The following NUSAP1 variants were observed in gnomAD, a reference collection of about 807,000 sequenced individuals.
NUSAP1 encodes the protein nucleolar and spindle-associated protein 1.
Under a neutral mutation model 52.8 loss-of-function variants are expected in NUSAP1, and 32 were observed. The observed-to-expected ratio is 0.61, with a 90% CI of 0.46 to 0.81. NUSAP1 has a LOEUF of 0.81. NUSAP1 is among the 40% of genes least tolerant of loss of function. The probability of loss-of-function intolerance (pLI) is 0.00; values close to 1 mark genes in which losing one functional copy is unlikely to be tolerated. For missense variants in NUSAP1, 499 were observed against 522.3 expected (o/e 0.96, Z 0.43); for synonymous variants, 195 against 183.1 (o/e 1.06, Z -0.52).
intron 1 of NUSAP1, among the ~76,000 whole-genome samples, chr15:41,340,802 A>G (rs1567040793): frequency 2.6e-5 from 4 of 152,254 alleles, no homozygotes; most frequent in Non-Finnish European, 5.9e-5. Flanking sequence ...TACTAGCTGA[A>G]ATAGTGCCTG....
Position 41,378,607 on chromosome 15 carries a change from C to T in NUSAP1, c.1232+1303C>T, listed in dbSNP as rs542403886. Reference sequence around the variant, plus strand: ...AAGACATGGAGAAACCCCATCTCTACTAAAAATACAAAATTAGCCGGGCGT... The same window carrying T: ...AAGACATGGAGAAACCCCATCTCTATTAAAAATACAAAATTAGCCGGGCGT... On this transcript the variant is annotated intron_variant, in intron 10 of 10. Transcript: ENST00000559596. 1.2e-4 allele frequency among the ~76,000 whole-genome samples: 18 copies of T among 152,210 alleles called. 1 individual carries two copies. Among genetic ancestry groups the T allele is most frequent in the African/African-American group, 4.1e-4 (17 of 41,560 alleles).
In NUSAP1 at chr15:41,361,393, C is replaced by CA. The variant is rs1331624545; in HGVS notation, c.660+3145dup. ...GGGCAACAAGAGTGAAACTCCATCT[C>CA]AAAAAAAAAATAATAATAATTTAAG... On this transcript the variant is annotated intron_variant, in intron 6 of 10. Coordinates refer to ENST00000559596, the MANE Select transcript of NUSAP1 (RefSeq NM_016359.5). Among the ~76,000 whole-genome samples, 48 of 149,098 alleles carry CA rather than the reference C, an allele frequency of 3.2e-4. 1 individual carries two copies. Among genetic ancestry groups the CA allele is most frequent in the African/African-American group, 8.8e-4 (36 of 40,752 alleles).
At chr15:41,356,787 G>A (rs560025356) in intron 5 of NUSAP1, among the ~76,000 whole-genome samples, 1 of 152,234 alleles carries the variant, frequency 6.6e-6, no homozygotes, top group East Asian at 1.9e-4. Flanking sequence ...GAACTACTTG[G>A]TACAATATCC....
In NUSAP1 at chr15:41,369,148, C is replaced by T. The variant is rs181847415; in HGVS notation, c.849-2379C>T. ...GCAGCCTTGACTTCCCAGGATGAAG[C>T]GATCTTCCTGCCTTGGCCTCCCAAA... On this transcript the variant is annotated intron_variant, in intron 7 of 10. Transcript: ENST00000559596. Among the ~76,000 whole-genome samples the T allele has an allele frequency of 1.5e-3, 226 of 151,986 alleles. 3 individuals carry two copies. The South Asian group carries it at 0.018, about 12-fold the overall frequency.
chr15:41,356,120 G>A lies in NUSAP1; in HGVS notation c.530G>A (p.Arg177Lys), dbSNP rs1379521595. ...DESSKPGKNK[R>K]TAITTPNFKK... ...TCATCCAAACCTGGAAAAAATAAAA[G>A]AACTGCAATCACTACTCCAAGTAAG... Residue 177 changes from arginine (R) to lysine (K), a missense_variant, in exon 5 of 11, where the codon AGA becomes AAA. Transcript: ENST00000559596. 8 of 1,601,610 alleles carry A rather than the reference G, an allele frequency of 5.0e-6. No individual in the cohort carries two copies. The highest frequency in any genetic ancestry group is 6.8e-6 in the Non-Finnish European group (8 of 1,172,838).
intron 7 of NUSAP1, among the ~76,000 whole-genome samples, chr15:41,371,116 G>A (rs1383282831): frequency 6.6e-6 from 1 of 152,084 alleles, no homozygotes; most frequent in Non-Finnish European, 1.5e-5. Context: ...ATTCTTTTAG[G>A]AACATACAAG....
intron 9 of NUSAP1, among the ~76,000 whole-genome samples, chr15:41,376,088 AAACTT>A (rs754285155): frequency 7.9e-5 from 12 of 151,822 alleles, no homozygotes; most frequent in Non-Finnish European, 1.3e-4. Flanking sequence ...TAAAAAATAA[AAACTT>A]AAGAATAAAC....
chr15:41,344,714 G>T (rs757101895), intron 2 of NUSAP1, among the ~76,000 whole-genome samples: 5 of 152,138 alleles, frequency 3.3e-5, no homozygotes, highest in Non-Finnish European at 5.9e-5. Flanking sequence ...GCCAAGGCGG[G>T]TGGATCACCT....
In NUSAP1 at chr15:41,351,017, T is replaced by A; in HGVS notation, c.336T>A (p.Asn112Lys). The A allele has an allele frequency of 6.2e-7, 1 of 1,612,152 alleles. No homozygotes were observed. Among genetic ancestry groups the A allele is most frequent in the Non-Finnish European group, 8.5e-7 (1 of 1,179,202 alleles). The change falls in exon 4 of 11, where the codon AAT becomes AAA. Residue 112 changes from asparagine (N) to lysine (K), a missense_variant. Asn to Lys is a moderately conservative substitution (Grantham distance 94). Transcript: ENST00000559596. ...ATCATTCAGAGATAAAAATAAGTAA[T>A]CCCACTGAATTCCAGAATCATGAAA... ...QQNHSEIKIS[N>K]PTEFQNHEKQ... is the part of the protein sequence containing the mutation.
At chr15:41,338,107 G>A (rs1160303759) in intron 1 of NUSAP1, among the ~76,000 whole-genome samples, 1 of 151,234 alleles carries the variant, frequency 6.6e-6, no homozygotes, top group East Asian at 1.9e-4. Context: ...TAATTTTTTT[G>A]TATTTTTAGT....
intron 1 of NUSAP1, among the ~76,000 whole-genome samples, chr15:41,337,783 T>G (rs1290956028): frequency 1.3e-5 from 2 of 152,140 alleles, no homozygotes; most frequent in Non-Finnish European, 2.9e-5. Context: ...TTACTAGCAC[T>G]TCTTTCTAGT....
chr15:41,347,646 C>G (rs1386368112), intron 2 of NUSAP1, among the ~76,000 whole-genome samples: 2 of 151,828 alleles, frequency 1.3e-5, no homozygotes. Flanking sequence ...AACCCCGTCT[C>G]TACTAACAAC....
chr15:41,380,937 A>C lies in NUSAP1; in HGVS notation c.*751A>C, dbSNP rs2050182394. 6.6e-6 allele frequency: 1 copy of C among 152,222 alleles called. No individual in the cohort carries two copies. The highest frequency in any genetic ancestry group is 2.4e-5 in the African/African-American group (1 of 41,454). The allele number at this position is 152,222 out of a possible 1,614,324, so 9.4% of individuals were successfully genotyped here. ...AATGTACTTCTTATTCATTTTATGGAAAAGACTAGGCTTTGCTTAGTATCA... is the reference window on the plus strand; with the variant it reads ...AATGTACTTCTTATTCATTTTATGGCAAAGACTAGGCTTTGCTTAGTATCA... On this transcript the variant is annotated 3_prime_UTR_variant, in exon 11 of 11. Coordinates refer to ENST00000559596, the MANE Select transcript of NUSAP1 (RefSeq NM_016359.5).
intron 2 of NUSAP1, among the ~76,000 whole-genome samples, chr15:41,344,509 G>A (rs537285106): frequency 6.6e-6 from 1 of 151,972 alleles, no homozygotes; most frequent in East Asian, 1.9e-4. Flanking sequence ...GTGGTGGTGG[G>A]CGCCTGTTGT....
intron 6 of NUSAP1, among the ~76,000 whole-genome samples, chr15:41,360,007 G>A (rs1186236856): frequency 6.6e-6 from 1 of 151,516 alleles, no homozygotes; most frequent in Admixed American, 6.6e-5. Context: ...CACCCAGGCT[G>A]GAGTGCAATG....
chr15:41,354,275 G>A (rs1277681790), intron 4 of NUSAP1, among the ~76,000 whole-genome samples: 1 of 152,118 alleles, frequency 6.6e-6, no homozygotes, highest in Non-Finnish European at 1.5e-5. Flanking sequence ...GGGAGGCCAA[G>A]GTGGATGGAT....
At chr15:41,338,070 T>A (rs1473785786) in intron 1 of NUSAP1, among the ~76,000 whole-genome samples, 2 of 151,568 alleles carry the variant, frequency 1.3e-5, no homozygotes, top group East Asian at 3.9e-4. Flanking sequence ...GTTCCTGGGA[T>A]TATAGGTGCC....
chr15:41,379,919 G>C (rs1360605876), intron 10 of NUSAP1, among the ~76,000 whole-genome samples, 174 bp from the exon 11 acceptor site: 1 of 152,118 alleles, frequency 6.6e-6, no homozygotes, highest in Non-Finnish European at 1.5e-5. Flanking sequence ...ACACAACAAT[G>C]ACGAACAGGT....
At chr15:41,361,347 C>G (rs1022054136) in intron 6 of NUSAP1, among the ~76,000 whole-genome samples, 2 of 151,760 alleles carry the variant, frequency 1.3e-5, no homozygotes, top group Non-Finnish European at 2.9e-5. Flanking sequence ...GAGCCGAGAC[C>G]ATGCCATTGC....
Sources: allele counts gnomAD v4.1 joint callset (sites outside exome capture counted in the v4.1 genomes callset), GRCh38; gene constraint gnomAD v4.1.1; transcripts MANE v1.5; gene names NCBI Gene and HGNC (gene_info 2026-07-23, HGNC 2026-07-21).